Variants in ZFAND3 observed in about 807,000 individuals in gnomAD.
ZFAND3 encodes the protein AN1-type zinc finger protein 3.
A neutral mutation model predicts 29.6 loss-of-function variants in ZFAND3; 10 were observed. That is an observed-to-expected ratio of 0.34 (90% CI 0.21 to 0.57). The LOEUF is 0.57. ZFAND3 is among the 20% of genes least tolerant of loss of function. The pLI, the probability that ZFAND3 is intolerant of heterozygous loss-of-function variation, is 0.86. For synonymous variants in ZFAND3, 128 were observed against 112.6 expected (o/e 1.14, Z -0.87); for missense variants, 230 against 304.5 (o/e 0.76, Z 1.82).
At chr6:37,862,536 A>G (rs1764511351) in intron 1 of ZFAND3, among the ~76,000 whole-genome samples, 1 of 151,658 alleles carries the variant, frequency 6.6e-6, no homozygotes, top group Admixed American at 6.6e-5. Context: ...AAAAAAAGAA[A>G]AAGCAGGCAT....
intron 2 of ZFAND3, among the ~76,000 whole-genome samples, chr6:37,944,827 A>G (rs1029923373): frequency 6.6e-6 from 1 of 152,238 alleles, no homozygotes; most frequent in African/African-American, 2.4e-5. Flanking sequence ...TAGGAATTCA[A>G]GGATGAGTTG....
intron 1 of ZFAND3, among the ~76,000 whole-genome samples, chr6:37,884,824 T>G (rs1234837340): frequency 1.3e-5 from 2 of 152,178 alleles, no homozygotes; most frequent in Non-Finnish European, 2.9e-5. Context: ...TAGAGAACAT[T>G]TATCATACTT....
At chr6:38,138,627 G>T (rs1416618575) in intron 5 of ZFAND3, among the ~76,000 whole-genome samples, 5 of 152,190 alleles carry the variant, frequency 3.3e-5, no homozygotes, top group Admixed American at 6.5e-5. Flanking sequence ...GAGAAGAGGT[G>T]CAGAGCCGAT....
At chr6:38,049,897 C>A (rs1763986120) in intron 2 of ZFAND3, among the ~76,000 whole-genome samples, 1 of 133,924 alleles carries the variant, frequency 7.5e-6, no homozygotes, top group African/African-American at 2.7e-5. Flanking sequence ...CACCCCCTCC[C>A]CCTCACACCC....
intron 3 of ZFAND3, among the ~76,000 whole-genome samples, chr6:38,080,965 G>A (rs373971923): frequency 6.6e-6 from 1 of 152,084 alleles, no homozygotes; most frequent in African/African-American, 2.4e-5. Context: ...TCTGCCTTTC[G>A]AAACTGCAAT....
intron 1 of ZFAND3, among the ~76,000 whole-genome samples, chr6:37,824,422 AAAAT>A (rs1763722609): frequency 6.6e-6 from 1 of 152,240 alleles, no homozygotes; most frequent in South Asian, 2.1e-4. Context: ...GATAGGAAGA[AAAAT>A]AAGTATAAGA....
intron 2 of ZFAND3, among the ~76,000 whole-genome samples, chr6:37,949,157 T>G (rs1444118597): frequency 6.6e-6 from 1 of 152,188 alleles, no homozygotes; most frequent in Admixed American, 6.5e-5. Context: ...ATGTTCTGAC[T>G]GGTGTGAGAT....
At chr6:37,850,916 C>T (rs1333101403) in intron 1 of ZFAND3, among the ~76,000 whole-genome samples, 1 of 151,166 alleles carries the variant, frequency 6.6e-6, no homozygotes, top group Non-Finnish European at 1.5e-5. Flanking sequence ...CTCTTTATAC[C>T]CACTCTGTTT....
intron 2 of ZFAND3, among the ~76,000 whole-genome samples, chr6:37,977,581 A>C (rs1161259047): frequency 6.6e-6 from 1 of 151,976 alleles, no homozygotes; most frequent in African/African-American, 2.4e-5. Context: ...GGGATTGCTT[A>C]CGGACATGAG....
intron 2 of ZFAND3, among the ~76,000 whole-genome samples, chr6:38,026,173 C>T (rs1340807812): frequency 6.6e-6 from 1 of 152,084 alleles, no homozygotes; most frequent in Non-Finnish European, 1.5e-5. Flanking sequence ...TCTCTGTCCC[C>T]TAAATACACT....
chr6:37,867,886 T>A (rs1182748030), intron 1 of ZFAND3, among the ~76,000 whole-genome samples: 1 of 152,232 alleles, frequency 6.6e-6, no homozygotes, highest in Non-Finnish European at 1.5e-5. Context: ...GCTTTCTTAC[T>A]TGAGTATATG....
At chr6:38,103,665 T>C (rs911451987) in intron 4 of ZFAND3, among the ~76,000 whole-genome samples, 3 of 152,110 alleles carry the variant, frequency 2.0e-5, no homozygotes, top group African/African-American at 4.8e-5. Context: ...TTCTATCTAG[T>C]CTTAACACTG....
intron 3 of ZFAND3, among the ~76,000 whole-genome samples, chr6:38,063,965 C>T (rs1329490591): frequency 6.7e-6 from 1 of 149,674 alleles, no homozygotes; most frequent in African/African-American, 2.5e-5. Context: ...AAAAAAAAAA[C>T]GGTGAAAATG....
At chr6:37,926,251 A>T (rs1761482080) in intron 1 of ZFAND3, among the ~76,000 whole-genome samples, 1 of 152,246 alleles carries the variant, frequency 6.6e-6, no homozygotes, top group South Asian at 2.1e-4. Flanking sequence ...ATTGTAACAA[A>T]TTACCACAAA....
intron 4 of ZFAND3, among the ~76,000 whole-genome samples, chr6:38,091,471 G>C (rs1376367622): frequency 8.1e-6 from 1 of 124,154 alleles, no homozygotes; most frequent in Non-Finnish European, 1.6e-5. Flanking sequence ...TGAAACTTTA[G>C]GATTTTTTTT....
In ZFAND3 at chr6:38,048,465, C is replaced by G. The variant is rs574713641; in HGVS notation, c.113-13128C>G. On this transcript the variant is annotated intron_variant, in intron 2 of 5. Transcript: ENST00000287218. ...TGAAACCCCGTCTCTACTAAAAATA[C>G]AAAAAAATTAGCCAGGTGTGGTGGC... 3.1e-3 allele frequency among the ~76,000 whole-genome samples: 464 copies of G among 151,288 alleles called. 2 individuals are homozygous for G. The highest frequency in any genetic ancestry group is 0.011 in the African/African-American group (441 of 41,254).
chr6:38,147,684 A>G (rs1766138522), intron 5 of ZFAND3, among the ~76,000 whole-genome samples: 1 of 152,164 alleles, frequency 6.6e-6, no homozygotes, highest in Admixed American at 6.5e-5. Context: ...TGACTGGGGT[A>G]AGATATCTCA....
At position 37,844,897 on chromosome 6, in the gene ZFAND3, G is replaced by A. The variant is rs926848440; in HGVS notation, c.71+24881G>A. ...AAATTAGCCAGGCGTTGTGGCGGGC[G>A]CCTATAGTCCCAGCTACATGGGAGG... On this transcript the variant is annotated intron_variant, in intron 1 of 5. Coordinates refer to ENST00000287218, the MANE Select transcript of ZFAND3 (RefSeq NM_021943.3). Among the ~76,000 whole-genome samples the A allele has an allele frequency of 3.3e-5, 5 of 150,746 alleles. No individual in the cohort carries two copies. In the East Asian group the frequency reaches 7.8e-4, roughly 23 times the overall value.
At chr6:38,093,678 A>C (rs1764917012) in intron 4 of ZFAND3, among the ~76,000 whole-genome samples, 1 of 152,216 alleles carries the variant, frequency 6.6e-6, no homozygotes, top group Non-Finnish European at 1.5e-5. Context: ...GGCTAGCAGA[A>C]GATCACTGGA....
Sources: allele counts gnomAD v4.1 joint callset (sites outside exome capture counted in the v4.1 genomes callset), GRCh38; gene constraint gnomAD v4.1.1; transcripts MANE v1.5; gene names NCBI Gene and HGNC (gene_info 2026-07-23, HGNC 2026-07-21).